PLCG2: variants seen among roughly 807,000 people sequenced by gnomAD.
The protein encoded by PLCG2 is phospholipase C gamma 2.
PLCG2 carries 69 observed loss-of-function variants against 175.6 expected under a neutral mutation model. That is an observed-to-expected ratio of 0.39 (90% CI 0.32 to 0.48). The LOEUF (loss-of-function observed/expected upper bound fraction) is 0.48, where lower values mean the gene tolerates loss of function less well. Ranked by LOEUF, PLCG2 falls within the 20% of genes least tolerant of loss-of-function variation. The pLI is 0.91. For missense variants in PLCG2, 1,798 were observed against 1,650.9 expected (o/e 1.09, Z -1.54); for synonymous variants, 827 against 624.0 (o/e 1.33, Z -4.85).
intron 17 of PLCG2, among the ~76,000 whole-genome samples, chr16:81,909,439 A>T (rs796936574): frequency 1.3e-5 from 2 of 152,280 alleles, no homozygotes; most frequent in African/African-American, 4.8e-5. Flanking sequence ...AAAAATTGTG[A>T]TAGGGTCTTG....
At chr16:81,948,968 G>A (rs1483282121) in intron 31 of PLCG2, among the ~76,000 whole-genome samples, 1 of 152,170 alleles carries the variant, frequency 6.6e-6, no homozygotes, top group African/African-American at 2.4e-5. Flanking sequence ...ATCTTTCAAA[G>A]ACATCCAAGG....
chr16:81,778,568 C>T (rs766534813), upstream of PLCG2, among the ~76,000 whole-genome samples: 13 of 152,160 alleles, frequency 8.5e-5, no homozygotes, highest in African/African-American at 1.2e-4. Context: ...TAGCTTCTTC[C>T]CATGAGATCA....
At chr16:81,882,830 T>A (rs1274343414) in intron 8 of PLCG2, among the ~76,000 whole-genome samples, 3 of 152,008 alleles carry the variant, frequency 2.0e-5, no homozygotes, top group Non-Finnish European at 4.4e-5. Context: ...GTAGGTGCCT[T>A]TTCCTCAGGA....
chr16:81,921,532 C>A (rs890671799), intron 21 of PLCG2: 2 of 468,844 alleles, frequency 4.3e-6, no homozygotes, highest in African/African-American at 4.0e-5. Flanking sequence ...GGCCAAATGG[C>A]TTCTAATGAA....
At chr16:81,803,313 G>T (rs537904436) in intron 2 of PLCG2, among the ~76,000 whole-genome samples, 1 of 151,606 alleles carries the variant, frequency 6.6e-6, no homozygotes, top group African/African-American at 2.4e-5. Context: ...GTAGAGATGG[G>T]GTTTTGCTGT....
chr16:81,766,092 A>T (rs1597307113), intron 2 of PLCG2, among the ~76,000 whole-genome samples: 3 of 152,132 alleles, frequency 2.0e-5, no homozygotes, highest in Middle Eastern at 6.8e-3. Context: ...CCTGTCTCCC[A>T]TCTCTGTGTC....
intron 2 of PLCG2, among the ~76,000 whole-genome samples, chr16:81,843,521 C>G (rs954188520): frequency 2.0e-5 from 3 of 152,188 alleles, no homozygotes; most frequent in African/African-American, 7.2e-5. Flanking sequence ...TATCACTTAA[C>G]AACCTTAAGT....
chr16:81,844,055 C>T (rs1905977116), intron 2 of PLCG2, among the ~76,000 whole-genome samples: 1 of 150,584 alleles, frequency 6.6e-6, no homozygotes, highest in South Asian at 2.1e-4. Flanking sequence ...CGGCTCACTA[C>T]AAGCTCTGCC....
chr16:81,926,470 C>T (rs1382659998), intron 22 of PLCG2, among the ~76,000 whole-genome samples: 1 of 152,142 alleles, frequency 6.6e-6, no homozygotes, highest in Admixed American at 6.5e-5. Context: ...GGATTATGTC[C>T]CGTGTTGTTA....
At chr16:81,855,037 C>G (rs920130766) in intron 3 of PLCG2, among the ~76,000 whole-genome samples, 1 of 151,856 alleles carries the variant, frequency 6.6e-6, no homozygotes, top group Non-Finnish European at 1.5e-5. Flanking sequence ...TGGTGAAACC[C>G]TGTCTCTACT....
intron 2 of PLCG2, among the ~76,000 whole-genome samples, chr16:81,826,287 C>G (rs573333344): frequency 1.3e-5 from 2 of 152,272 alleles, no homozygotes; most frequent in African/African-American, 4.8e-5. Flanking sequence ...CACGGCAAGG[C>G]TCCAGGATCC....
At chr16:81,951,544 G>A (rs758768919) in intron 31 of PLCG2, among the ~76,000 whole-genome samples, 4 of 152,132 alleles carry the variant, frequency 2.6e-5, no homozygotes, top group African/African-American at 9.7e-5. Context: ...AAAGTAAGAA[G>A]AACAATGGAA....
intron 2 of PLCG2, among the ~76,000 whole-genome samples, chr16:81,850,509 G>C (rs1041234211): frequency 2.0e-5 from 3 of 152,144 alleles, no homozygotes; most frequent in Non-Finnish European, 4.4e-5. Flanking sequence ...GTGCGTTCTT[G>C]GGCTCTCAGT....
Position 81,956,824 on chromosome 16 carries a change from G to C in PLCG2, c.3700G>C (p.Glu1234Gln), listed in dbSNP as rs1567549863. The C allele has an allele frequency of 3.1e-6, 5 of 1,614,210 alleles. No homozygotes were observed. The highest frequency in any genetic ancestry group is 4.2e-6 in the Non-Finnish European group (5 of 1,180,028). Residue 1234 changes from glutamate (E) to glutamine (Q), a missense_variant, in exon 32 of 33, where the codon GAG (glutamate) becomes CAG (glutamine). Coordinates refer to ENST00000564138, the MANE Select transcript of PLCG2 (RefSeq NM_002661.5). ...RNANRDALVKEFSVNENQLQL... is the reference protein window; with the variant it reads ...RNANRDALVKQFSVNENQLQL... ...TGCCAACCGGGATGCCCTGGTTAAA[G>C]AGTTCAGTGTTAATGAGAACCAGCT...
intron 5 of PLCG2, among the ~76,000 whole-genome samples, chr16:81,865,157 G>T (rs568887392): frequency 6.6e-6 from 1 of 152,182 alleles, no homozygotes; most frequent in Admixed American, 6.5e-5. Flanking sequence ...ATTGAGACTA[G>T]AGGGCCAGGC....
At chr16:81,747,580 T>G (rs1909729276) in intron 1 of PLCG2, among the ~76,000 whole-genome samples, 1 of 151,712 alleles carries the variant, frequency 6.6e-6, no homozygotes, top group African/African-American at 2.4e-5. Flanking sequence ...TTTAAATAAA[T>G]GATTGGAAGT....
At chr16:81,929,971 G>A (rs1910433702) in intron 24 of PLCG2, among the ~76,000 whole-genome samples, 1 of 152,172 alleles carries the variant, frequency 6.6e-6, no homozygotes, top group African/African-American at 2.4e-5. Flanking sequence ...TTTGAACTGA[G>A]CCTCAGTTTT....
intron 19 of PLCG2, among the ~76,000 whole-genome samples, chr16:81,918,603 C>A (rs1567532388): frequency 6.6e-6 from 1 of 152,108 alleles, no homozygotes; most frequent in African/African-American, 2.4e-5. Flanking sequence ...TTCCACTGGT[C>A]TGTGTGTCTG....
rs940672453 is a variant in PLCG2, at chr16:81,894,200, G to T, written c.1072+406G>T. On this transcript the variant is annotated intron_variant, in intron 12 of 32. Transcript: ENST00000564138. ...TCCCAGCACTTCAGGAGGCTGAAGT[G>T]GGAGGATTGTATGAGGCCAAGAGTT... Among the ~76,000 whole-genome samples, 28 of 152,090 alleles carry T rather than the reference G, an allele frequency of 1.8e-4. 1 individual carries two copies. The highest frequency in any genetic ancestry group is 4.4e-5 in the Non-Finnish European group (3 of 67,994).
Sources: allele counts gnomAD v4.1 joint callset (sites outside exome capture counted in the v4.1 genomes callset), GRCh38; gene constraint gnomAD v4.1.1; transcripts MANE v1.5; gene names NCBI Gene and HGNC (gene_info 2026-07-23, HGNC 2026-07-21).